Variants in SLC31A2 observed in about 807,000 individuals in gnomAD.
The protein encoded by SLC31A2 is solute carrier family 31 member 2, also known as protein SLC31A2.
Under a neutral mutation model 14.4 loss-of-function variants are expected in SLC31A2, and 16 were observed. The observed-to-expected ratio is 1.11, with a 90% CI of 0.75 to 1.69. The LOEUF is 1.69. Among genes scored for constraint, SLC31A2 ranks in the 40% most tolerant of loss-of-function variants. The pLI is 0.00. For missense variants in SLC31A2, 140 were observed against 173.9 expected, an observed-to-expected ratio of 0.81 and a Z score of 1.10; for synonymous variants, 56 against 68.7, an observed-to-expected ratio of 0.82 and a Z score of 0.91.
At chr9:113,156,001 G>A (rs1334491654) in intron 1 of SLC31A2, 1 of 518,322 alleles carries the variant, frequency 1.9e-6, no homozygotes, top group African/African-American at 1.9e-5. Flanking sequence ...ACTAGAACAT[G>A]CAAGGCCTGT....
intron 2 of SLC31A2, among the ~76,000 whole-genome samples, chr9:113,160,620 G>A (rs576281767): frequency 1.3e-5 from 2 of 152,210 alleles, no homozygotes; most frequent in South Asian, 4.1e-4. Context: ...TTTCTATGGA[G>A]TCTTCATATG....
At position 113,161,554 on chromosome 9, in the gene SLC31A2, A is replaced by T; in HGVS notation, c.119A>T (p.Tyr40Phe). The T allele has an allele frequency of 6.2e-7, 1 of 1,613,980 alleles. No homozygotes were observed. Among genetic ancestry groups the T allele is most frequent in the Non-Finnish European group, 8.5e-7 (1 of 1,179,874 alleles). ...VLVLLLLAVLYEGIKVGKAKL... is the reference protein window; with the variant it reads ...VLVLLLLAVLFEGIKVGKAKL... ...GTGCTCCTGCTTCTGGCTGTACTGT[A>T]TGAAGGCATCAAGGTTGGCAAAGCC... The change falls in exon 3 of 4, where the codon TAT becomes TTT. Residue 40 changes from tyrosine (Y) to phenylalanine (F), a missense_variant. Physicochemically the swap from Tyr to Phe is conservative, Grantham distance 22 (BLOSUM62 3). Transcript: ENST00000259392.
intron 2 of SLC31A2, chr9:113,158,202 G>A: frequency 2.6e-6 from 1 of 386,620 alleles, no homozygotes; most frequent in Non-Finnish European, 5.5e-6. Context: ...GCCCACAGCA[G>A]CTGCTGGAGA....
rs1564139020 is a variant in SLC31A2 at position 113,161,717 on chromosome 9, G to A, written c.263+19G>A. On this transcript the variant is annotated intron_variant, in intron 3 of 3. Coordinates refer to ENST00000259392, the MANE Select transcript of SLC31A2 (RefSeq NM_001860.3). Reference sequence around the variant, plus strand: ...ACCACAGGTACAGGCAGTGGGTATGGGAAAGGGGCAGAAGCCTCACATTCA... The same window carrying A: ...ACCACAGGTACAGGCAGTGGGTATGAGAAAGGGGCAGAAGCCTCACATTCA... 2 of 1,612,910 alleles carry A rather than the reference G, an allele frequency of 1.2e-6. No individual in the cohort carries two copies. Among genetic ancestry groups the A allele is most frequent in the African/African-American group, 2.7e-5 (2 of 74,916 alleles).
chr9:113,162,742 T>TA lies in SLC31A2; in HGVS notation c.264-6dup, dbSNP rs1319464597. On this transcript the variant is annotated splice_polypyrimidine_tract_variant and splice_region_variant and intron_variant, in intron 3 of 3. Transcript: ENST00000259392. ...CCAGGATTAACTTGCTTCTCCTTTT[T>TA]ATCTAGGTGGTATTTGTGTCACTTT... The TA allele has an allele frequency of 6.2e-7, 1 of 1,607,774 alleles. No individual in the cohort carries two copies. The highest frequency in any genetic ancestry group is 1.3e-5 in the African/African-American group (1 of 74,794).
chr9:113,151,126 G>C lies in SLC31A2; in HGVS notation c.6+46G>C. The C allele has an allele frequency of 7.8e-7, 1 of 1,289,576 alleles. No homozygotes were observed. Among genetic ancestry groups the C allele is most frequent in the Non-Finnish European group, 9.9e-7 (1 of 1,010,706 alleles). 79.9% of individuals were successfully genotyped at this position (1,289,576 alleles called of 1,614,324 possible). A position where few individuals can be genotyped will look rare whatever the true frequency, so the allele number is the denominator to read the frequency against. On this transcript the variant is annotated intron_variant, in intron 1 of 3. Coordinates refer to ENST00000259392, the MANE Select transcript of SLC31A2 (RefSeq NM_001860.3). This position sits in a 1 kb window ranked among gnomAD's most constrained non-coding sequence, Gnocchi z 4.2. ...TGAAGAGGGTGGGCGGTTGGGGCGGGGTCTCCTGGAGCTGCCATCTCGGCA... is the reference window on the plus strand; with the variant it reads ...TGAAGAGGGTGGGCGGTTGGGGCGGCGTCTCCTGGAGCTGCCATCTCGGCA...
At chr9:113,157,576 G>C in intron 1 of SLC31A2, 151 bp from the exon 2 acceptor site, 1 of 630,784 alleles carries the variant, frequency 1.6e-6, no homozygotes, top group South Asian at 1.9e-5. Flanking sequence ...GCTCTTTATG[G>C]CCTCAGTTGG....
In SLC31A2 at chr9:113,163,864, T is replaced by G. The variant is rs1274205593; in HGVS notation, c.*947T>G. 6.5e-6 allele frequency: 1 copy of G among 152,676 alleles called. No individual in the cohort carries two copies. Among genetic ancestry groups the G allele is most frequent in the Non-Finnish European group, 1.5e-5 (1 of 68,044 alleles). 9.5% of individuals were successfully genotyped at this position (152,676 alleles called of 1,614,324 possible). On this transcript the variant is annotated 3_prime_UTR_variant, in exon 4 of 4. Coordinates refer to ENST00000259392, the MANE Select transcript of SLC31A2 (RefSeq NM_001860.3). ...CTATTTATTACTTACTGCTTACTCGTAATGATCTAGTGGGGAAACATGATT... is the reference window on the plus strand; with the variant it reads ...CTATTTATTACTTACTGCTTACTCGGAATGATCTAGTGGGGAAACATGATT...
At chr9:113,152,468 C>G (rs952173944) in intron 1 of SLC31A2, among the ~76,000 whole-genome samples, 1 of 152,230 alleles carries the variant, frequency 6.6e-6, no homozygotes, top group African/African-American at 2.4e-5. Context: ...GTTTCCAGCT[C>G]TGAACAAACC....
At chr9:113,161,391 G>A in intron 2 of SLC31A2, 118 bp from the exon 3 acceptor site, 2 of 905,650 alleles carry the variant, frequency 2.2e-6, no homozygotes, top group Non-Finnish European at 3.5e-6. Context: ...CTCAGCAAGG[G>A]TGGGGAAGAA....
At chr9:113,155,384 C>T (rs754704826) in intron 1 of SLC31A2, among the ~76,000 whole-genome samples, 1 of 152,230 alleles carries the variant, frequency 6.6e-6, no homozygotes, top group African/African-American at 2.4e-5. Context: ...CCTTAGTAGT[C>T]TCATCTATGA....
At chr9:113,155,856 C>T (rs1245809067) in intron 1 of SLC31A2, 1 of 315,712 alleles carries the variant, frequency 3.2e-6, no homozygotes, top group Non-Finnish European at 6.5e-6. Flanking sequence ...TTTCCCCCAG[C>T]TCCCCTCGGA....
chr9:113,160,536 T>C (rs556306982), intron 2 of SLC31A2, among the ~76,000 whole-genome samples: 45 of 152,340 alleles, frequency 3.0e-4, no homozygotes, highest in Non-Finnish European at 5.3e-4. Context: ...TAAATTATGG[T>C]TAACTATAAA....
rs1271336567 is a variant in SLC31A2, at chr9:113,151,210, C to T, written c.6+130C>T. The T allele has an allele frequency of 5.1e-6, 5 of 977,194 alleles. No homozygotes were observed. The highest frequency in any genetic ancestry group is 5.1e-5 in the South Asian group (1 of 19,594). 60.5% of individuals were successfully genotyped at this position (977,194 alleles called of 1,614,324 possible). A position where few individuals can be genotyped will look rare whatever the true frequency, so the allele number is the denominator to read the frequency against. ...GTGAAGGGTGTGTTGGCAGCATTGC[C>T]AACAGCTGGAACAGGGTTGGGGGAC... On this transcript the variant is annotated intron_variant, in intron 1 of 3. Transcript: ENST00000259392. The surrounding 1 kb of genome is among the most constrained non-coding windows in gnomAD (Gnocchi z 4.2).
rs1587937709 is a variant in SLC31A2 at position 113,151,343 on chromosome 9, G to A, written c.6+263G>A. Among the ~76,000 whole-genome samples the A allele has an allele frequency of 6.6e-6, 1 of 152,078 alleles. No individual in the cohort carries two copies. Among genetic ancestry groups the A allele is most frequent in the Admixed American group, 6.5e-5 (1 of 15,286 alleles). On this transcript the variant is annotated intron_variant, in intron 1 of 3. Coordinates refer to ENST00000259392, the MANE Select transcript of SLC31A2 (RefSeq NM_001860.3). This position sits in a 1 kb window ranked among gnomAD's most constrained non-coding sequence, Gnocchi z 4.2. ...AGTTACCGAGCGCCCGCGGTGGCGCGGCTTGAGAGTGGGGGCGCGGTGGCT... is the reference window on the plus strand; with the variant it reads ...AGTTACCGAGCGCCCGCGGTGGCGCAGCTTGAGAGTGGGGGCGCGGTGGCT...
At chr9:113,153,907 G>A (rs566068288) in intron 1 of SLC31A2, among the ~76,000 whole-genome samples, 27 of 152,192 alleles carry the variant, frequency 1.8e-4, no homozygotes, top group African/African-American at 6.0e-4. Flanking sequence ...AGGCTGCAGC[G>A]TCCAAATCTG....
chr9:113,153,891 A>C (rs1010640072), intron 1 of SLC31A2, among the ~76,000 whole-genome samples: 3 of 152,108 alleles, frequency 2.0e-5, no homozygotes, highest in African/African-American at 7.2e-5. Flanking sequence ...GTCTCTACCA[A>C]ACCCCAGGCT....
chr9:113,153,261 T>C (rs1005630841), intron 1 of SLC31A2, among the ~76,000 whole-genome samples: 1 of 152,130 alleles, frequency 6.6e-6, no homozygotes, highest in East Asian at 1.9e-4. Flanking sequence ...GCTATTCTTA[T>C]TTTTAAACTC....
At chr9:113,158,693 C>T (rs1363741569) in intron 2 of SLC31A2, among the ~76,000 whole-genome samples, 1 of 152,164 alleles carries the variant, frequency 6.6e-6, no homozygotes, top group Non-Finnish European at 1.5e-5. Flanking sequence ...GGCTAGATTC[C>T]AAGATCGAGT....
Sources: gnomAD v4.1 joint callset for allele counts (sites outside exome capture counted in the v4.1 genomes callset) on GRCh38, gnomAD v4.1.1 for gene constraint, Gnocchi (gnomAD v3.1) non-coding constraint, MANE v1.5 for transcripts, NCBI Gene and HGNC (gene_info 2026-07-23, HGNC 2026-07-21) for gene names.